The following KIF13A variants were observed in gnomAD, a reference collection of about 807,000 sequenced individuals.
The protein encoded by KIF13A is kinesin-like protein KIF13A.
Under a neutral mutation model 212.2 loss-of-function variants are expected in KIF13A, and 79 were observed. The observed-to-expected ratio is 0.37, with a 90% CI of 0.31 to 0.45. The LOEUF is 0.45. Ranked by LOEUF, KIF13A falls within the 20% of genes least tolerant of loss-of-function variation. KIF13A has a pLI of 1.00. For synonymous variants in KIF13A, 789 were observed against 808.6 expected (o/e 0.98, Z 0.41); for missense variants, 1,901 against 2,209.0 (o/e 0.86, Z 2.79).
At chr6:17,881,128 C>T (rs185904199) in intron 3 of KIF13A, among the ~76,000 whole-genome samples, 9 of 152,264 alleles carry the variant, frequency 5.9e-5, no homozygotes, top group Non-Finnish European at 2.9e-5. Flanking sequence ...TTTGACTCCA[C>T]CTTCTCAGAA....
chr6:17,822,081 C>T (rs950356716), intron 16 of KIF13A, among the ~76,000 whole-genome samples: 9 of 146,708 alleles, frequency 6.1e-5, no homozygotes, highest in Admixed American at 5.6e-4. Context: ...GCTCTGTCAC[C>T]CAGGTTGAAG....
rs1761055014 is a variant in KIF13A at position 17,786,361 on chromosome 6, G to A, written c.3362-720C>T. The stretch of plus-strand genomic sequence containing the variant: ...CGGCTGTAACCCCAGCACTTTTGGA[G>A]GCCGAGGTGGGCAGATCTCCTGAGG... On this transcript the variant is annotated intron_variant, in intron 27 of 38. Transcript: ENST00000259711. The surrounding 1 kb of genome is among the most constrained non-coding windows in gnomAD (Gnocchi z 5.4). Among the ~76,000 whole-genome samples the A allele has an allele frequency of 6.6e-6, 1 of 152,144 alleles. No homozygotes were observed. The highest frequency in any genetic ancestry group is 2.4e-5 in the African/African-American group (1 of 41,436).
intron 2 of KIF13A, among the ~76,000 whole-genome samples, chr6:17,901,385 T>G (rs1318820874): frequency 6.6e-6 from 1 of 152,114 alleles, no homozygotes; most frequent in Non-Finnish European, 1.5e-5. Flanking sequence ...TATCTTAATC[T>G]TCATCGCTTT....
chr6:17,821,711 G>T, intron 16 of KIF13A: 2 of 1,486,034 alleles, frequency 1.3e-6, no homozygotes, highest in Non-Finnish European at 1.8e-6. Context: ...CCAAAGCATG[G>T]AGCATGAGCA....
chr6:17,978,963 T>G (rs1293076199), intron 2 of KIF13A, among the ~76,000 whole-genome samples: 1 of 152,154 alleles, frequency 6.6e-6, no homozygotes, highest in East Asian at 1.9e-4. Flanking sequence ...CCAAATAACT[T>G]TAACAGTGAT....
chr6:17,848,060 C>G (rs561729858), intron 9 of KIF13A, among the ~76,000 whole-genome samples: 1 of 152,262 alleles, frequency 6.6e-6, no homozygotes. Flanking sequence ...GATCCACCCA[C>G]CTCAGCCTCC....
In KIF13A at chr6:17,769,638, T is replaced by G. The variant is rs1759316340; in HGVS notation, c.4581+1476A>C. ...GTCATCCAGCAGTGTCTTGATGGTGTTGTACCAAAATGTATCGTTGCAATA... is the reference window on the plus strand; with the variant it reads ...GTCATCCAGCAGTGTCTTGATGGTGGTGTACCAAAATGTATCGTTGCAATA... On this transcript the variant is annotated intron_variant, in intron 38 of 38. Coordinates refer to ENST00000259711, the MANE Select transcript of KIF13A (RefSeq NM_022113.6). This position sits in a 1 kb window ranked among gnomAD's most constrained non-coding sequence, Gnocchi z 5.8. Among the ~76,000 whole-genome samples, 1 of 152,194 alleles carries G rather than the reference T, an allele frequency of 6.6e-6. No individual in the cohort carries two copies. The highest frequency in any genetic ancestry group is 1.5e-5 in the Non-Finnish European group (1 of 68,050).
At chr6:17,868,241 T>C (rs914353984) in intron 4 of KIF13A, among the ~76,000 whole-genome samples, 5 of 152,202 alleles carry the variant, frequency 3.3e-5, no homozygotes, top group Admixed American at 3.3e-4. Flanking sequence ...GATATGAAGA[T>C]TTCTGTAGAG....
intron 2 of KIF13A, among the ~76,000 whole-genome samples, chr6:17,969,891 T>C (rs527763408): frequency 5.9e-5 from 9 of 152,152 alleles, no homozygotes; most frequent in Non-Finnish European, 1.0e-4. Context: ...AAATATACCA[T>C]ACAAACCTAA....
intron 25 of KIF13A, among the ~76,000 whole-genome samples, chr6:17,791,873 C>G (rs1761589361): frequency 7.3e-6 from 1 of 136,540 alleles, no homozygotes; most frequent in African/African-American, 2.8e-5. Flanking sequence ...ACACTCCAGC[C>G]TGGGTGACAG....
Position 17,895,864 on chromosome 6 carries a change from AG to A in KIF13A, c.159+2303del, listed in dbSNP as rs1369325447. The stretch of plus-strand genomic sequence containing the variant: ...CAGTCCTAGTTGTCCTCAGTGGAAA[AG>A]GCAATGCTAATTACCTAGTTTGTCA... On this transcript the variant is annotated intron_variant, in intron 3 of 38. Transcript: ENST00000259711. This position sits in a 1 kb window ranked among gnomAD's most constrained non-coding sequence, Gnocchi z 4.4. 3.3e-5 allele frequency among the ~76,000 whole-genome samples: 5 copies of A among 152,218 alleles called. No homozygotes were observed. Among genetic ancestry groups the A allele is most frequent in the African/African-American group, 1.2e-4 (5 of 41,468 alleles).
intron 2 of KIF13A, among the ~76,000 whole-genome samples, chr6:17,913,723 G>A (rs978993350): frequency 2.0e-5 from 3 of 152,158 alleles, no homozygotes; most frequent in Admixed American, 6.5e-5. Context: ...TCAATCCACC[G>A]AGGGGGGATT....
At chr6:17,760,813 A>G, downstream of KIF13A, 1 of 1,608,536 alleles carries the variant, frequency 6.2e-7, no homozygotes. Flanking sequence ...GACCAGGCGA[A>G]CAAAGACGCC....
chr6:17,788,083 C>A (rs1761211471), intron 26 of KIF13A, among the ~76,000 whole-genome samples: 1 of 152,114 alleles, frequency 6.6e-6, no homozygotes, highest in South Asian at 2.1e-4. Flanking sequence ...GAAATCAGAG[C>A]CCCTGGATCT....
Position 17,817,109 on chromosome 6 carries a change from G to C in KIF13A, c.1911C>G (p.Pro637=). 1 of 1,613,938 alleles carries C rather than the reference G, an allele frequency of 6.2e-7. No homozygotes were observed. The highest frequency in any genetic ancestry group is 1.7e-5 in the Admixed American group (1 of 60,022). The stretch of plus-strand genomic sequence containing the variant: ...GGCCGCTACTCTGTGGCTGCCTGTC[G>C]GGGGAGAGCTGCTGGCGGAGTTGCT... The part of the protein sequence containing the change: ...ELEQLRQQLS[P]DRQPQSSGPD... Residue 637 remains proline, a synonymous_variant, in exon 17 of 39, where the codon CCC becomes CCG. Coordinates refer to ENST00000259711, the MANE Select transcript of KIF13A (RefSeq NM_022113.6).
At chr6:17,950,781 C>A (rs1777779873) in intron 2 of KIF13A, 1 of 978,888 alleles carries the variant, frequency 1.0e-6, no homozygotes. Context: ...CTAGAAAAAT[C>A]TCTAATTACT....
At chr6:17,876,992 C>T (rs11961148) in intron 3 of KIF13A, among the ~76,000 whole-genome samples, 6,984 of 152,144 alleles carry the variant, frequency 0.046, 551 homozygotes, top group African/African-American at 0.16. Context: ...GGATCCATAT[C>T]GAATTCATCT....
rs999350046 is a variant in KIF13A, at chr6:17,984,799, T to A, written c.146+2255A>T. ...ACTTCAAACCTTGGACTTGCAGATA[T>A]GAAAAATAATAACATTCTCAGTATT... is the stretch of plus-strand genomic sequence containing the variant. On this transcript the variant is annotated intron_variant, in intron 2 of 38. Coordinates refer to ENST00000259711, the MANE Select transcript of KIF13A (RefSeq NM_022113.6). This position sits in a 1 kb window ranked among gnomAD's most constrained non-coding sequence, Gnocchi z 5.0. Among the ~76,000 whole-genome samples, 1 of 152,218 alleles carries A rather than the reference T, an allele frequency of 6.6e-6. No individual in the cohort carries two copies. The highest frequency in any genetic ancestry group is 1.5e-5 in the Non-Finnish European group (1 of 68,040).
In KIF13A at chr6:17,773,523, A is replaced by G; in HGVS notation, c.4279T>C (p.Cys1427Arg). Residue 1427 changes from cysteine (C) to arginine (R), a missense_variant, in exon 36 of 39, where the codon TGT becomes CGT. Cys to Arg is a radical substitution (Grantham distance 180). Transcript: ENST00000259711. This position sits in a 1 kb window ranked among gnomAD's most constrained non-coding sequence, Gnocchi z 4.2. ...DYSSSYQDVA[C>R]YGTLPRDSPR... Reference sequence around the variant, plus strand: ...GAATCCCTGGGTAAAGTTCCATAACATGCTACATCTTGGTAACTGGAGCTA... The same window carrying G: ...GAATCCCTGGGTAAAGTTCCATAACGTGCTACATCTTGGTAACTGGAGCTA... The G allele has an allele frequency of 6.2e-7, 1 of 1,612,100 alleles. No homozygotes were observed. Among genetic ancestry groups the G allele is most frequent in the Non-Finnish European group, 8.5e-7 (1 of 1,178,496 alleles).
Sources: allele counts gnomAD v4.1 joint callset (sites outside exome capture counted in the v4.1 genomes callset), GRCh38; gene constraint gnomAD v4.1.1; non-coding constraint Gnocchi (gnomAD v3.1); transcripts MANE v1.5; gene names NCBI Gene and HGNC (gene_info 2026-07-23, HGNC 2026-07-21).